Variants in ALOX15 observed in about 807,000 individuals in gnomAD.
The protein encoded by ALOX15 is polyunsaturated fatty acid lipoxygenase ALOX15.
In ALOX15, 68 loss-of-function variants were observed where a neutral mutation model predicts 71.7. The ratio of observed to expected loss-of-function variants is 0.95; its 90% CI spans 0.78 to 1.16. The LOEUF (loss-of-function observed/expected upper bound fraction) is 1.16. ALOX15 is among the 50% of genes most tolerant of loss of function. The probability of loss-of-function intolerance (pLI) is 0.00; values close to 1 mark genes in which losing one functional copy is unlikely to be tolerated. For synonymous variants in ALOX15, 346 were observed against 333.3 expected, an observed-to-expected ratio of 1.04 and a Z score of -0.42; for missense variants, 798 against 818.8, an observed-to-expected ratio of 0.97 and a Z score of 0.31.
chr17:4,638,371 A>G lies in ALOX15; in HGVS notation c.653T>C (p.Val218Ala). ...WCGQSKLAER[V>A]RDSWKEDALF... ...GGCATCTTCCTTCCAGGAGTCCCGCACGCGCTCTGGGGAAGGCAGTTGTTG... is the reference window on the plus strand; with the variant it reads ...GGCATCTTCCTTCCAGGAGTCCCGCGCGCGCTCTGGGGAAGGCAGTTGTTG... Residue 218 changes from valine to alanine, a missense_variant, in exon 6 of 14, where the codon GTG becomes GCG. Val to Ala is a moderately conservative substitution (Grantham distance 64). Coordinates refer to ENST00000293761, the MANE Select transcript of ALOX15 (RefSeq NM_001140.5). 1 of 949,312 alleles carries G rather than the reference A, an allele frequency of 1.1e-6. No homozygotes were observed. Among genetic ancestry groups the G allele is most frequent in the Admixed American group, 2.2e-5 (1 of 44,724 alleles). The allele number at this position is 949,312 out of a possible 1,614,324, so 58.8% of individuals were successfully genotyped here. A position where few individuals can be genotyped will look rare whatever the true frequency, so the allele number is the denominator to read the frequency against.
chr17:4,632,016 A>G lies in ALOX15; in HGVS notation c.1682T>C (p.Met561Thr), dbSNP rs1289272347. The change falls in exon 13 of 14, where the codon ATG becomes ACG. Residue 561 changes from methionine (M) to threonine (T), a missense_variant. Coordinates refer to ENST00000293761, the MANE Select transcript of ALOX15 (RefSeq NM_001140.5). ...YSWVPNAPCT[M>T]RLPPPTTKDA... is the part of the protein sequence containing the mutation. ...CTTGGTGGTTGGCGGGGGCAGCCGCATCGTGCAGGGTGCATTAGGCACCCA... is the reference window on the plus strand; with the variant it reads ...CTTGGTGGTTGGCGGGGGCAGCCGCGTCGTGCAGGGTGCATTAGGCACCCA... 1.9e-6 allele frequency: 3 copies of G among 1,613,592 alleles called. No individual in the cohort carries two copies. Among genetic ancestry groups the G allele is most frequent in the African/African-American group, 2.7e-5 (2 of 74,938 alleles).
chr17:4,631,485 A>C lies in ALOX15; in HGVS notation c.*115T>G. 1 of 1,295,830 alleles carries C rather than the reference A, an allele frequency of 7.7e-7. No individual in the cohort carries two copies. Among genetic ancestry groups the C allele is most frequent in the Non-Finnish European group, 1.1e-6 (1 of 951,848 alleles). The allele number at this position is 1,295,830 out of a possible 1,614,324, so 80.3% of individuals were successfully genotyped here. ...AGAGACCATGAAAAGGTGCCCCTCT[A>C]GGGAGGGTGGGACATGGGAAGAGGG... is the stretch of plus-strand genomic sequence containing the variant. On this transcript the variant is annotated 3_prime_UTR_variant, in exon 14 of 14. Coordinates refer to ENST00000293761, the MANE Select transcript of ALOX15 (RefSeq NM_001140.5).
At chr17:4,636,074 TG>T (rs879694096) in intron 7 of ALOX15, 106 bp from the exon 8 acceptor site, 1 of 1,232,340 alleles carries the variant, frequency 8.1e-7, no homozygotes, top group East Asian at 2.5e-5. Context: ...AAACCTGTTC[TG>T]CTTTCCCCAT....
intron 8 of ALOX15, 101 bp downstream of exon 8, chr17:4,635,658 C>T: frequency 8.6e-7 from 1 of 1,156,894 alleles, no homozygotes; most frequent in Non-Finnish European, 1.3e-6. Flanking sequence ...CATTGTTTCT[C>T]TCTGTACCCC....
Position 4,633,758 on chromosome 17 carries a change from T to C in ALOX15, c.1162-258A>G, listed in dbSNP as rs529818227. ...GATGTTCATCCAGCACTACTCACAA[T>C]AGCAAAGATATGGAATCAACCTAAA... On this transcript the variant is annotated intron_variant, in intron 8 of 13. Coordinates refer to ENST00000293761, the MANE Select transcript of ALOX15 (RefSeq NM_001140.5). Among the ~76,000 whole-genome samples, 17 of 152,302 alleles carry C rather than the reference T, an allele frequency of 1.1e-4. No homozygotes were observed. In the South Asian group the frequency reaches 3.1e-3, roughly 28 times the overall value.
At chr17:4,634,117 C>T (rs1197006270) in intron 8 of ALOX15, among the ~76,000 whole-genome samples, 1 of 152,164 alleles carries the variant, frequency 6.6e-6, no homozygotes, top group Non-Finnish European at 1.5e-5. Context: ...AATCTGTACA[C>T]CAAGCCCCAT....
At chr17:4,635,996 A>C (rs773010229) in intron 7 of ALOX15, 28 bp from the exon 8 acceptor site, 2 of 1,608,414 alleles carry the variant, frequency 1.2e-6, no homozygotes, top group Admixed American at 3.3e-5. Context: ...GTGGGGAGAG[A>C]AGGCATGAGT....
At chr17:4,636,234 G>C (rs1427346712) in intron 7 of ALOX15, among the ~76,000 whole-genome samples, 2 of 152,066 alleles carry the variant, frequency 1.3e-5, no homozygotes, top group Non-Finnish European at 2.9e-5. Flanking sequence ...TCCCCTTTCA[G>C]TTCCCACAGT....
Position 4,631,873 on chromosome 17 carries a change from G to A in ALOX15, c.1809+16C>T. 4 of 1,608,582 alleles carry A rather than the reference G, an allele frequency of 2.5e-6. No homozygotes were observed. Among genetic ancestry groups the A allele is most frequent in the Non-Finnish European group, 3.4e-6 (4 of 1,176,514 alleles). ...AGCTGCCTCCTTCCTTAGGGCCCTG[G>A]GCACTCAGCTCTCACCATAACGGGC... On this transcript the variant is annotated intron_variant, in intron 13 of 13. Transcript: ENST00000293761.
intron 4 of ALOX15, 78 bp from the exon 5 acceptor site, chr17:4,638,762 G>A (rs1911207953): frequency 8.7e-6 from 14 of 1,612,852 alleles, no homozygotes; most frequent in Non-Finnish European, 1.1e-5. Flanking sequence ...CCGATCCTGG[G>A]CCAGTCCAAT....
Position 4,641,658 on chromosome 17 carries a change from C to T in ALOX15, c.-7G>A, listed in dbSNP as rs1567649853. The T allele has an allele frequency of 6.3e-7, 1 of 1,596,542 alleles. No individual in the cohort carries two copies. The highest frequency in any genetic ancestry group is 2.3e-5 in the East Asian group (1 of 44,192). The stretch of plus-strand genomic sequence containing the variant: ...GGATGCGGTAGAGACCCATCTTGCT[C>T]AAAGATGTTTCGCTCCTTCTGGTGG... On this transcript the variant is annotated 5_prime_UTR_variant, in exon 1 of 14. Coordinates refer to ENST00000293761, the MANE Select transcript of ALOX15 (RefSeq NM_001140.5).
Position 4,632,880 on chromosome 17 carries a change from C to T in ALOX15, c.1521G>A (p.Leu507=). The part of the protein sequence containing the change: ...TWCREITEIG[L]QGAQDRGFPV... ...TCTTACCTCGGTCCTGGGCCCCTTG[C>T]AGCCCGATTTCAGTGATCTCTCGAC... The change falls in exon 11 of 14, where the codon CTG becomes CTA. Residue 507 remains leucine, a synonymous_variant. Coordinates refer to ENST00000293761, the MANE Select transcript of ALOX15 (RefSeq NM_001140.5). 6.2e-7 allele frequency: 1 copy of T among 1,614,158 alleles called. No individual in the cohort carries two copies. Among genetic ancestry groups the T allele is most frequent in the Admixed American group, 1.7e-5 (1 of 60,028 alleles).
Position 4,633,436 on chromosome 17 carries a change from G to C in ALOX15, c.1226C>G (p.Ser409Cys). The C allele has an allele frequency of 6.2e-7, 1 of 1,614,166 alleles. No individual in the cohort carries two copies. Among genetic ancestry groups the C allele is most frequent in the Non-Finnish European group, 8.5e-7 (1 of 1,180,028 alleles). ...INVRARTGLV[S>C]DMGIFDQIMS... ...TACCTGGTCGAAAATTCCCATGTCA[G>C]AGACCAGCCCAGTCCTGGCCCGGAC... The change falls in exon 9 of 14, where the codon TCT (serine) becomes TGT (cysteine). Residue 409 changes from serine (S) to cysteine (C), a missense_variant. By Grantham distance (112) the Ser-to-Cys change is moderately radical. Around this residue, in one of 3 missense-constraint regions of ALOX15, gnomAD observed 490 missense variants for 509.4 expected, o/e 0.96. Transcript: ENST00000293761.
intron 4 of ALOX15, 75 bp from the exon 5 acceptor site, chr17:4,638,759 T>C (rs2150537832): frequency 6.2e-7 from 1 of 1,613,184 alleles, no homozygotes; most frequent in South Asian, 1.1e-5. Context: ...GCACCGATCC[T>C]GGGCCAGTCC....
At position 4,635,918 on chromosome 17, in the gene ALOX15, C is replaced by T. The variant is rs13306169; in HGVS notation, c.1002G>A (p.Thr334=). The T allele has an allele frequency of 1.2e-5, 20 of 1,614,122 alleles. No individual in the cohort carries two copies. In the East Asian group the frequency reaches 1.6e-4, roughly 13 times the overall value. ...CCAGAAGCCAGGCCATTGGGGGATC[C>T]GTAGGCAAGAAAAGGGGAGGTGGTG... The part of the protein sequence containing the change: ...GSPPPPLFLP[T]DPPMAWLLAK... The change falls in exon 8 of 14, where the codon ACG becomes ACA. Residue 334 remains threonine, a synonymous_variant. Coordinates refer to ENST00000293761, the MANE Select transcript of ALOX15 (RefSeq NM_001140.5).
chr17:4,635,743 G>A lies in ALOX15; in HGVS notation c.1161+16C>T, dbSNP rs778576438. On this transcript the variant is annotated intron_variant, in intron 8 of 13. Transcript: ENST00000293761. ...AGAGATAGTGGCAGGCAAGAGAGAAGGGGATAAGGAGTTACCTTGAAGATA... is the reference window on the plus strand; with the variant it reads ...AGAGATAGTGGCAGGCAAGAGAGAAAGGGATAAGGAGTTACCTTGAAGATA... 1.2e-6 allele frequency: 2 copies of A among 1,613,638 alleles called. No homozygotes were observed. Among genetic ancestry groups the A allele is most frequent in the South Asian group, 1.1e-5 (1 of 90,996 alleles).
Position 4,631,942 on chromosome 17 carries a change from C to T in ALOX15, c.1756G>A (p.Ala586Thr). Residue 586 changes from alanine to threonine, a missense_variant, in exon 13 of 14, where the codon GCT becomes ACT. Physicochemically the swap from Ala to Thr is moderately conservative, Grantham distance 58. Around this residue, in one of 3 missense-constraint regions of ALOX15, gnomAD observed 490 missense variants for 509.4 expected, o/e 0.96. Transcript: ENST00000293761. ...VMATLPNFHQ[A>T]SLQMSITWQL... ...CAAGTGATGGACATCTGGAGAGAAG[C>T]CTGGTGGAAGTTGGGCAGTGTCGCC... 1 of 1,614,112 alleles carries T rather than the reference C, an allele frequency of 6.2e-7. No individual in the cohort carries two copies. Among genetic ancestry groups the T allele is most frequent in the Non-Finnish European group, 8.5e-7 (1 of 1,180,032 alleles).
rs989156282 is a variant in ALOX15, at chr17:4,631,570, G to A, written c.*30C>T. On this transcript the variant is annotated 3_prime_UTR_variant, in exon 14 of 14. Coordinates refer to ENST00000293761, the MANE Select transcript of ALOX15 (RefSeq NM_001140.5). Reference sequence around the variant, plus strand: ...GGGTCAGCTTGTGGCTTGGGTGATGGGGGCTGAAATAACCAAAGGGTGGCG... The same window carrying A: ...GGGTCAGCTTGTGGCTTGGGTGATGAGGGCTGAAATAACCAAAGGGTGGCG... 22 of 1,609,614 alleles carry A rather than the reference G, an allele frequency of 1.4e-5. No homozygotes were observed. The highest frequency in any genetic ancestry group is 1.9e-5 in the Non-Finnish European group (22 of 1,178,998).
At chr17:4,636,003 G>A in intron 7 of ALOX15, 35 bp from the exon 8 acceptor site, 1 of 1,602,750 alleles carries the variant, frequency 6.2e-7, no homozygotes, top group Non-Finnish European at 8.5e-7. Flanking sequence ...GAGAAGGCAT[G>A]AGTGCCAGGC....
Sources: gnomAD v4.1 joint callset for allele counts (sites outside exome capture counted in the v4.1 genomes callset) on GRCh38, gnomAD v4.1.1 for gene constraint, gnomAD v4.1.1 regional missense constraint, MANE v1.5 for transcripts, NCBI Gene and HGNC (gene_info 2026-07-23, HGNC 2026-07-21) for gene names.